NCKAP5: variants seen among roughly 807,000 people sequenced by gnomAD.
NCKAP5 encodes NCK associated protein 5.
In NCKAP5, 92 loss-of-function variants were observed where a neutral mutation model predicts 167.0. The observed-to-expected ratio is 0.55, with a 90% CI of 0.47 to 0.66. NCKAP5 has a LOEUF of 0.66. NCKAP5 is among the 30% of genes least tolerant of loss of function. NCKAP5 has a pLI of 0.00. For missense variants in NCKAP5, 2,378 were observed against 2,315.0 expected (o/e 1.03, Z -0.56); for synonymous variants, 891 against 877.4 (o/e 1.02, Z -0.27).
chr2:133,367,729 G>A (rs1310635714), intron 3 of NCKAP5, among the ~76,000 whole-genome samples: 1 of 152,058 alleles, frequency 6.6e-6, no homozygotes, highest in East Asian at 1.9e-4. Flanking sequence ...TACATTAATA[G>A]TTCTGAAGTG....
At chr2:133,046,899 T>C (rs1005103478) in intron 6 of NCKAP5, among the ~76,000 whole-genome samples, 1 of 152,192 alleles carries the variant, frequency 6.6e-6, no homozygotes, top group African/African-American at 2.4e-5. Flanking sequence ...TTGGAGTTAG[T>C]GTATCCAGAC....
At chr2:132,805,571 T>G (rs1205914728) in intron 11 of NCKAP5, among the ~76,000 whole-genome samples, 2 of 152,046 alleles carry the variant, frequency 1.3e-5, no homozygotes, top group African/African-American at 4.8e-5. Flanking sequence ...GTATTGTTAA[T>G]TTCATTTGCT....
intron 2 of NCKAP5, among the ~76,000 whole-genome samples, chr2:133,530,741 T>C (rs186148898): frequency 6.6e-5 from 10 of 152,266 alleles, no homozygotes; most frequent in Non-Finnish European, 1.0e-4. Flanking sequence ...GAAACTGAGT[T>C]CTAGCACTAG....
chr2:133,602,470 T>C, the NCKAP5 span, among the ~76,000 whole-genome samples: 1 of 152,060 alleles, frequency 6.6e-6, no homozygotes, highest in Non-Finnish European at 1.5e-5. Context: ...GTCCTTTCTT[T>C]TGTGGCTGAT....
At chr2:133,073,181 C>T (rs902141610) in intron 6 of NCKAP5, among the ~76,000 whole-genome samples, 1 of 152,002 alleles carries the variant, frequency 6.6e-6, no homozygotes, top group South Asian at 2.1e-4. Flanking sequence ...TACTTTTTGG[C>T]TAAAAGAAAA....
At chr2:132,685,672 C>T (rs1685832367) in intron 19 of NCKAP5, among the ~76,000 whole-genome samples, 1 of 152,136 alleles carries the variant, frequency 6.6e-6, no homozygotes, top group Non-Finnish European at 1.5e-5. Context: ...CCCACCTTCC[C>T]ACCAGGCAGC....
chr2:132,771,565 G>A (rs1301151275), intron 16 of NCKAP5, among the ~76,000 whole-genome samples: 1 of 152,122 alleles, frequency 6.6e-6, no homozygotes, highest in East Asian at 1.9e-4. Flanking sequence ...AGTGTAAGGT[G>A]ATGTCCTGGG....
At chr2:133,483,405 A>G in intron 3 of NCKAP5, among the ~76,000 whole-genome samples, 1 of 152,164 alleles carries the variant, frequency 6.6e-6, no homozygotes, top group East Asian at 1.9e-4. Context: ...CACTCTCTCC[A>G]TACAGGAGCA....
intron 2 of NCKAP5, among the ~76,000 whole-genome samples, chr2:133,553,061 C>T (rs1203883737): frequency 1.3e-5 from 2 of 152,092 alleles, no homozygotes; most frequent in Non-Finnish European, 1.5e-5. Flanking sequence ...CAACCTCATT[C>T]CCCCAAAGGA....
intron 6 of NCKAP5, among the ~76,000 whole-genome samples, chr2:133,035,303 C>T (rs1315091794): frequency 6.6e-6 from 1 of 151,954 alleles, no homozygotes; most frequent in Middle Eastern, 3.2e-3. Context: ...AGGCCCAATA[C>T]AATAATAGCT....
At chr2:133,661,809 T>C in the NCKAP5 span, among the ~76,000 whole-genome samples, 1 of 152,220 alleles carries the variant, frequency 6.6e-6, no homozygotes, top group Non-Finnish European at 1.5e-5. Context: ...CCTTGCTTTG[T>C]GTTCACTGGT....
intron 6 of NCKAP5, among the ~76,000 whole-genome samples, chr2:133,119,981 T>C (rs1297206060): frequency 6.6e-6 from 1 of 152,166 alleles, no homozygotes; most frequent in Non-Finnish European, 1.5e-5. Context: ...AAAAGTACTG[T>C]CATTTCTGTA....
intron 3 of NCKAP5, among the ~76,000 whole-genome samples, chr2:133,428,897 C>G (rs928843335): frequency 6.6e-6 from 1 of 152,068 alleles, no homozygotes; most frequent in African/African-American, 2.4e-5. Flanking sequence ...GTGTTGGGAA[C>G]TAGGCAGTTG....
At chr2:133,587,143 TATG>T in the NCKAP5 span, among the ~76,000 whole-genome samples, 1 of 152,160 alleles carries the variant, frequency 6.6e-6, no homozygotes, top group Non-Finnish European at 1.5e-5. Context: ...CCATTTTCAC[TATG>T]ATATCAGTCA....
At chr2:133,514,285 A>T (rs1683790221) in intron 3 of NCKAP5, among the ~76,000 whole-genome samples, 2 of 152,182 alleles carry the variant, frequency 1.3e-5, no homozygotes, top group South Asian at 4.1e-4. Flanking sequence ...ATAATAAAGT[A>T]AAAAAATCAC....
chr2:133,312,484 G>A (rs1193134886), intron 3 of NCKAP5, among the ~76,000 whole-genome samples: 1 of 152,140 alleles, frequency 6.6e-6, no homozygotes, highest in African/African-American at 2.4e-5. Context: ...GTGAACACGT[G>A]CCTGAGTTCA....
the NCKAP5 span, among the ~76,000 whole-genome samples, chr2:133,618,757 G>A: frequency 3.4e-5 from 5 of 148,614 alleles, no homozygotes; most frequent in African/African-American, 1.2e-4. Flanking sequence ...CGATTCCTCA[G>A]GGATCTAGAA....
At chr2:132,928,958 CCAAAA>C (rs71398578) in intron 8 of NCKAP5, among the ~76,000 whole-genome samples, 26,082 of 148,608 alleles carry the variant, frequency 0.18, 2,620 homozygotes, top group Admixed American at 0.35. Flanking sequence ...CCCTTCTCTA[CCAAAA>C]CAAAACAAAA....
intron 3 of NCKAP5, among the ~76,000 whole-genome samples, chr2:133,476,346 A>C (rs1001747718): frequency 1.3e-5 from 2 of 152,192 alleles, no homozygotes; most frequent in East Asian, 3.8e-4. Context: ...GATAATTGCA[A>C]TTTTCTTCAA....
Sources: allele counts gnomAD v4.1 joint callset (sites outside exome capture counted in the v4.1 genomes callset), GRCh38; gene constraint gnomAD v4.1.1; transcripts MANE v1.5; gene names NCBI Gene and HGNC (gene_info 2026-07-23, HGNC 2026-07-21).